The following CD2AP variants were observed in gnomAD, a reference collection of about 807,000 sequenced individuals.
The protein encoded by CD2AP is CD2-associated protein.
CD2AP carries 46 observed loss-of-function variants against 85.1 expected under a neutral mutation model. The observed-to-expected ratio is 0.54, with a 90% CI of 0.43 to 0.69. The LOEUF (loss-of-function observed/expected upper bound fraction) is 0.69, where lower values mean the gene tolerates loss of function less well. Ranked by LOEUF, CD2AP falls within the 30% of genes least tolerant of loss-of-function variation. CD2AP has a pLI of 0.00. For synonymous variants in CD2AP, 255 were observed against 252.9 expected (o/e 1.01, Z -0.08); for missense variants, 769 against 729.5 (o/e 1.05, Z -0.62).
chr6:47,567,646 A>T (rs967802150), intron 5 of CD2AP, among the ~76,000 whole-genome samples: 4 of 152,200 alleles, frequency 2.6e-5, no homozygotes, highest in African/African-American at 9.6e-5. Context: ...GAAGTCATAG[A>T]TTGAGATCCC....
At chr6:47,569,923 G>A (rs1448239214) in intron 5 of CD2AP, among the ~76,000 whole-genome samples, 4 of 152,090 alleles carry the variant, frequency 2.6e-5, no homozygotes, top group Admixed American at 6.6e-5. Context: ...CTGGTAGTAC[G>A]TTGTGGATCT....
At chr6:47,560,514 T>C (rs767758810) in intron 5 of CD2AP, among the ~76,000 whole-genome samples, 36 of 152,294 alleles carry the variant, frequency 2.4e-4, no homozygotes, top group Non-Finnish European at 4.3e-4. Flanking sequence ...TTGACATTTT[T>C]GAAGAGTTTA....
At chr6:47,563,351 A>G (rs1194222454) in intron 5 of CD2AP, among the ~76,000 whole-genome samples, 1 of 152,210 alleles carries the variant, frequency 6.6e-6, no homozygotes, top group Admixed American at 6.5e-5. Context: ...TTGCCACTAC[A>G]TTTTGCTTAA....
intron 5 of CD2AP, among the ~76,000 whole-genome samples, chr6:47,570,209 T>C (rs576265618): frequency 6.6e-6 from 1 of 152,244 alleles, no homozygotes; most frequent in East Asian, 1.9e-4. Flanking sequence ...TCCAAACAAG[T>C]AATTGCATTT....
intron 11 of CD2AP, 116 bp from the exon 12 acceptor site, chr6:47,595,745 A>G (rs993968818): frequency 1.6e-5 from 12 of 757,468 alleles, no homozygotes; most frequent in Non-Finnish European, 2.3e-5. Context: ...AAATACAGAG[A>G]ATGAAAGTTC....
intron 11 of CD2AP, among the ~76,000 whole-genome samples, chr6:47,588,367 G>A (rs182474706): frequency 5.3e-5 from 8 of 152,156 alleles, no homozygotes; most frequent in African/African-American, 7.2e-5. Context: ...TCTCTAATGC[G>A]TTACACAATA....
intron 4 of CD2AP, among the ~76,000 whole-genome samples, chr6:47,551,699 A>T (rs767992435): frequency 6.6e-6 from 1 of 152,200 alleles, no homozygotes; most frequent in Non-Finnish European, 1.5e-5. Flanking sequence ...CAGATGGGGT[A>T]TAGCCCAAAT....
chr6:47,532,850 T>C (rs1391530284), intron 2 of CD2AP, among the ~76,000 whole-genome samples: 1 of 152,248 alleles, frequency 6.6e-6, no homozygotes. Context: ...TATATTTTTA[T>C]GATACTGAGT....
intron 2 of CD2AP, among the ~76,000 whole-genome samples, chr6:47,524,575 T>G (rs189619263): frequency 1.3e-5 from 2 of 151,394 alleles, no homozygotes; most frequent in East Asian, 3.9e-4. Context: ...TTGTGGTATG[T>G]CTGAAAGAAT....
At chr6:47,545,337 G>C (rs539242254) in intron 4 of CD2AP, among the ~76,000 whole-genome samples, 24 of 152,256 alleles carry the variant, frequency 1.6e-4, no homozygotes, top group African/African-American at 4.3e-4. Flanking sequence ...CAAATGCTCA[G>C]TCACAGCAAG....
intron 17 of CD2AP, among the ~76,000 whole-genome samples, chr6:47,623,184 C>T (rs1431288449): frequency 6.6e-6 from 1 of 152,100 alleles, no homozygotes; most frequent in East Asian, 1.9e-4. Flanking sequence ...TAGTTATAAT[C>T]CTTTAGGAGA....
At chr6:47,610,434 G>T (rs910725003) in intron 16 of CD2AP, among the ~76,000 whole-genome samples, 6 of 151,890 alleles carry the variant, frequency 4.0e-5, no homozygotes, top group African/African-American at 1.4e-4. Flanking sequence ...AAGTATAAAA[G>T]AACAAAAAAT....
At chr6:47,542,459 G>A (rs559383090) in intron 3 of CD2AP, among the ~76,000 whole-genome samples, 1 of 152,264 alleles carries the variant, frequency 6.6e-6, no homozygotes, top group Non-Finnish European at 1.5e-5. Context: ...TTCCATTGTG[G>A]TGATATTAAT....
chr6:47,493,816 T>C (rs142385278), intron 1 of CD2AP, among the ~76,000 whole-genome samples: 299 of 152,306 alleles, frequency 2.0e-3, no homozygotes, highest in African/African-American at 6.4e-3. Flanking sequence ...TCAAGCTTAC[T>C]GATTCTTTCC....
At chr6:47,494,688 G>T (rs754699461) in intron 1 of CD2AP, among the ~76,000 whole-genome samples, 17 of 152,106 alleles carry the variant, frequency 1.1e-4, no homozygotes, top group Non-Finnish European at 2.5e-4. Flanking sequence ...AATAGTGTGG[G>T]GACTCCCCCA....
At position 47,583,280 on chromosome 6, in the gene CD2AP, A is replaced by G. The variant is rs374707163; in HGVS notation, c.1108+1215A>G. 1.9e-4 allele frequency among the ~76,000 whole-genome samples: 29 copies of G among 152,232 alleles called. No individual in the cohort carries two copies. In the East Asian group the frequency reaches 2.5e-3, roughly 13 times the overall value. Reference sequence around the variant, plus strand: ...TACATTGACACTTCTTTATCACTCAAAGTCCATAGTTTCCTTTAGTGTTCA... The same window carrying G: ...TACATTGACACTTCTTTATCACTCAGAGTCCATAGTTTCCTTTAGTGTTCA... On this transcript the variant is annotated intron_variant, in intron 11 of 17. Coordinates refer to ENST00000359314, the MANE Select transcript of CD2AP (RefSeq NM_012120.3).
At chr6:47,542,521 AATG>A (rs1197777424) in intron 3 of CD2AP, among the ~76,000 whole-genome samples, 2 of 152,112 alleles carry the variant, frequency 1.3e-5, no homozygotes, top group African/African-American at 4.8e-5. Flanking sequence ...TGCTCTCATG[AATG>A]GGTTAGTGCC....
chr6:47,589,536 A>ATGTG (rs1005090450), intron 11 of CD2AP, among the ~76,000 whole-genome samples: 5 of 140,648 alleles, frequency 3.6e-5, no homozygotes, highest in African/African-American at 1.1e-4. Flanking sequence ...ATATACACAT[A>ATGTG]TGTACACATA....
intron 13 of CD2AP, among the ~76,000 whole-genome samples, chr6:47,604,032 T>C (rs1220735026): frequency 1.3e-5 from 2 of 152,100 alleles, no homozygotes; most frequent in African/African-American, 4.8e-5. Flanking sequence ...ATTCTTTTGA[T>C]AATATTTTTT....
Sources: gnomAD v4.1 joint callset for allele counts (sites outside exome capture counted in the v4.1 genomes callset) on GRCh38, gnomAD v4.1.1 for gene constraint, MANE v1.5 for transcripts, NCBI Gene and HGNC (gene_info 2026-07-23, HGNC 2026-07-21) for gene names.